SH3GL2: variants seen among roughly 807,000 people sequenced by gnomAD.
The protein encoded by SH3GL2 is endophilin-A1.
Under a neutral mutation model 46.0 loss-of-function variants are expected in SH3GL2, and 24 were observed. The ratio of observed to expected loss-of-function variants is 0.52; its 90% CI spans 0.38 to 0.73. SH3GL2 has a LOEUF of 0.73. Among genes scored for constraint, SH3GL2 ranks in the 30% least tolerant of loss-of-function variants. The pLI, the probability that SH3GL2 is intolerant of heterozygous loss-of-function variation, is 0.00. For missense variants in SH3GL2, 413 were observed against 424.2 expected, an observed-to-expected ratio of 0.97 and a Z score of 0.23; for synonymous variants, 196 against 147.1, an observed-to-expected ratio of 1.33 and a Z score of -2.40.
intron 1 of SH3GL2, among the ~76,000 whole-genome samples, chr9:17,685,481 A>AT (rs1324033707): frequency 6.6e-6 from 1 of 152,090 alleles, no homozygotes; most frequent in African/African-American, 2.4e-5. Flanking sequence ...ACTGGATACT[A>AT]TTGCCTAGCC....
rs576962866 is a variant in SH3GL2, at chr9:17,761,690, C to G, written c.187+181C>G. ...CTGGGGAGAAGGGCTTTTTAAAGCT[C>G]ACATTGAAGTAACTGGAAGATCTGT... On this transcript the variant is annotated intron_variant, in intron 3 of 8. Transcript: ENST00000380607. 1.7e-5 allele frequency: 11 copies of G among 659,378 alleles called. No individual in the cohort carries two copies. The African/African-American group carries it at 1.8e-4, about 11-fold the overall frequency. The allele number at this position is 659,378 out of a possible 1,614,324, so 40.8% of individuals were successfully genotyped here. A position where few individuals can be genotyped will look rare whatever the true frequency, so the allele number is the denominator to read the frequency against.
chr9:17,789,465 A>G lies in SH3GL2; in HGVS notation c.539A>G (p.Asp180Gly). ...YKKKRQGKIP[D>G]EELRQALEKF... ...AAGAAACGACAAGGCAAGATTCCGGATGAAGAGCTTCGTCAAGCTCTAGAG... is the reference window on the plus strand; with the variant it reads ...AAGAAACGACAAGGCAAGATTCCGGGTGAAGAGCTTCGTCAAGCTCTAGAG... The change falls in exon 6 of 9, where the codon GAT becomes GGT. Residue 180 changes from aspartate (D) to glycine (G), a missense_variant. This residue lies in a region of SH3GL2 where 248 missense variants were observed against 215.0 expected (regional missense o/e 1.15). Coordinates refer to ENST00000380607, the MANE Select transcript of SH3GL2 (RefSeq NM_003026.5). The G allele has an allele frequency of 1.2e-6, 2 of 1,613,502 alleles. No individual in the cohort carries two copies. The highest frequency in any genetic ancestry group is 8.5e-7 in the Non-Finnish European group (1 of 1,179,556).
At chr9:17,793,629 T>C in intron 8 of SH3GL2, 132 bp downstream of exon 8, 1 of 814,224 alleles carries the variant, frequency 1.2e-6, no homozygotes, top group East Asian at 2.9e-5. Context: ...TGGAGTCAGT[T>C]GTCAGGTAGA....
intron 3 of SH3GL2, among the ~76,000 whole-genome samples, chr9:17,773,528 A>G (rs867968238): frequency 4.6e-5 from 7 of 152,084 alleles, no homozygotes; most frequent in African/African-American, 1.7e-4. Flanking sequence ...TTTTGCATAT[A>G]GATCCATTTT....
intron 3 of SH3GL2, among the ~76,000 whole-genome samples, chr9:17,779,943 C>T (rs1243378693): frequency 6.6e-6 from 1 of 152,164 alleles, no homozygotes; most frequent in Non-Finnish European, 1.5e-5. Context: ...TCATCACCTC[C>T]CACGTTTTCA....
At position 17,764,015 on chromosome 9, in the gene SH3GL2, C is replaced by G. The variant is rs184985101; in HGVS notation, c.187+2506C>G. ...CAAAGGAGGAGGTAATTGAGAAGATCTGAATGTTTAGAAATGACATTTTTA... is the reference window on the plus strand; with the variant it reads ...CAAAGGAGGAGGTAATTGAGAAGATGTGAATGTTTAGAAATGACATTTTTA... On this transcript the variant is annotated intron_variant, in intron 3 of 8. Coordinates refer to ENST00000380607, the MANE Select transcript of SH3GL2 (RefSeq NM_003026.5). Among the ~76,000 whole-genome samples, 99 of 152,196 alleles carry G rather than the reference C, an allele frequency of 6.5e-4. 1 individual carries two copies. Among genetic ancestry groups the G allele is most frequent in the Middle Eastern group, 3.4e-3 (1 of 294 alleles).
chr9:17,745,907 C>G (rs889191383), intron 1 of SH3GL2, among the ~76,000 whole-genome samples: 4 of 152,060 alleles, frequency 2.6e-5, no homozygotes, highest in African/African-American at 9.7e-5. Flanking sequence ...ACAGTGACAA[C>G]TTAGGGAAAA....
chr9:17,756,462 C>T (rs886298013), intron 2 of SH3GL2, among the ~76,000 whole-genome samples: 11 of 146,974 alleles, frequency 7.5e-5, no homozygotes, highest in Admixed American at 1.4e-4. Context: ...TCTCCTAATG[C>T]TATCCCTCCC....
intron 1 of SH3GL2, among the ~76,000 whole-genome samples, chr9:17,656,780 A>AC (rs1554635608): frequency 2.0e-5 from 3 of 150,994 alleles, no homozygotes; most frequent in Non-Finnish European, 3.0e-5. Context: ...CAAAAAAAAA[A>AC]AAAAAAACAA....
intron 1 of SH3GL2, among the ~76,000 whole-genome samples, chr9:17,710,867 C>T (rs1434704139): frequency 6.6e-6 from 1 of 151,870 alleles, no homozygotes; most frequent in African/African-American, 2.4e-5. Context: ...CCAATGTATG[C>T]CTGAAACTGG....
At chr9:17,728,294 T>C (rs947366162) in intron 1 of SH3GL2, among the ~76,000 whole-genome samples, 3 of 152,080 alleles carry the variant, frequency 2.0e-5, no homozygotes, top group African/African-American at 7.2e-5. Flanking sequence ...GGTGTATGTA[T>C]TTAACTAATA....
chr9:17,769,478 A>C (rs554123935), intron 3 of SH3GL2, among the ~76,000 whole-genome samples: 10 of 152,016 alleles, frequency 6.6e-5, no homozygotes, highest in Admixed American at 4.6e-4. Flanking sequence ...GTAACTCTCC[A>C]CTGGCTTCCA....
At chr9:17,654,818 A>T (rs532003072) in intron 1 of SH3GL2, among the ~76,000 whole-genome samples, 1 of 152,322 alleles carries the variant, frequency 6.6e-6, no homozygotes, top group African/African-American at 2.4e-5. Flanking sequence ...ATCAAAATGC[A>T]TAGAGGAAAT....
At chr9:17,625,471 G>A (rs960089517) in intron 1 of SH3GL2, among the ~76,000 whole-genome samples, 12 of 152,168 alleles carry the variant, frequency 7.9e-5, no homozygotes, top group African/African-American at 9.7e-5. Context: ...TATTTAAAAC[G>A]CATTCCTACT....
intron 1 of SH3GL2, among the ~76,000 whole-genome samples, chr9:17,667,930 A>G (rs960504561): frequency 6.6e-6 from 1 of 152,186 alleles, no homozygotes; most frequent in African/African-American, 2.4e-5. Context: ...CTTCATGTGC[A>G]TATTGGTCAT....
rs1824193051 is a variant in SH3GL2, at chr9:17,793,491, C to T, written c.853C>T (p.Pro285Ser). The change falls in exon 8 of 9, where the codon CCT (proline) becomes TCT (serine). Residue 285 changes from proline (P) to serine (S), a missense_variant. Pro to Ser is a moderately conservative substitution (Grantham distance 74). Around this residue, in one of 3 missense-constraint regions of SH3GL2, gnomAD observed 248 missense variants for 215.0 expected, o/e 1.15. Transcript: ENST00000380607. ...GGLSHTGTPK[P>S]SGVQMDQPCC... is the part of the protein sequence containing the mutation. ...TCTCTCCCACACAGGCACTCCCAAA[C>T]CTTCAGGTAAGAGCTGAAACTGCAG... The T allele has an allele frequency of 6.2e-7, 1 of 1,613,038 alleles. No homozygotes were observed. The highest frequency in any genetic ancestry group is 8.5e-7 in the Non-Finnish European group (1 of 1,179,642).
rs1174189247 is a variant in SH3GL2 at position 17,739,916 on chromosome 9, A to C, written c.46-7150A>C. Among the ~76,000 whole-genome samples the C allele has an allele frequency of 3.3e-5, 5 of 152,110 alleles. No homozygotes were observed. The South Asian group carries it at 1.0e-3, about 31-fold the overall frequency. ...AAACAGTTACAGCATCATACAAATCAATTTCTGCATTTTCCATAAAGTGTT... is the reference window on the plus strand; with the variant it reads ...AAACAGTTACAGCATCATACAAATCCATTTCTGCATTTTCCATAAAGTGTT... On this transcript the variant is annotated intron_variant, in intron 1 of 8. Transcript: ENST00000380607.
chr9:17,787,348 C>G (rs1301136514), intron 4 of SH3GL2, 32 bp from the exon 5 acceptor site: 3 of 1,593,958 alleles, frequency 1.9e-6, no homozygotes, highest in Non-Finnish European at 2.6e-6. Context: ...CATCTTTATT[C>G]TGTAACATGA....
intron 1 of SH3GL2, among the ~76,000 whole-genome samples, chr9:17,600,156 C>G (rs1468115323): frequency 6.6e-6 from 1 of 152,166 alleles, no homozygotes; most frequent in Non-Finnish European, 1.5e-5. Context: ...GGTGCAGAAG[C>G]ATTTTCATTA....
Sources: allele counts gnomAD v4.1 joint callset (sites outside exome capture counted in the v4.1 genomes callset), GRCh38; gene constraint gnomAD v4.1.1; regional missense constraint gnomAD v4.1.1; transcripts MANE v1.5; gene names NCBI Gene and HGNC (gene_info 2026-07-23, HGNC 2026-07-21).